THAP5: variants seen among roughly 807,000 people sequenced by gnomAD.
The protein encoded by THAP5 is THAP domain containing 5.
Under a neutral mutation model 34.0 loss-of-function variants are expected in THAP5, and 26 were observed. The observed-to-expected ratio is 0.77, with a 90% CI of 0.56 to 1.06. The LOEUF is 1.06. THAP5 is among the 50% of genes least tolerant of loss of function. The pLI is 0.00. For missense variants in THAP5, 394 were observed against 452.8 expected, an observed-to-expected ratio of 0.87 and a Z score of 1.18; for synonymous variants, 125 against 153.0, an observed-to-expected ratio of 0.82 and a Z score of 1.35.
At chr7:108,554,479 T>C (rs1225468667), downstream of THAP5, 1 of 152,182 alleles carries the variant, frequency 6.6e-6, no homozygotes, top group Non-Finnish European at 1.5e-5. Context: ...TAGTGCAGAC[T>C]CATTTTAGGC....
In THAP5 at chr7:108,564,906, C is replaced by T; in HGVS notation, c.473G>A (p.Ser158Asn). Reference protein sequence around the residue: ...LVKPPAPKTGSIQNNMLTLNL... With the variant: ...LVKPPAPKTGNIQNNMLTLNL... ...AAGAGTTAACATGTTATTTTGTATA[C>T]TTCCTGTTTTGGGAGCTGGTGGCTT... Residue 158 changes from serine to asparagine, a missense_variant, in exon 3 of 3, where the codon AGT (serine) becomes AAT (asparagine). By Grantham distance (46) the Ser-to-Asn change is conservative. Coordinates refer to ENST00000415914, the MANE Select transcript of THAP5 (RefSeq NM_001130475.3). 6.3e-7 allele frequency: 1 copy of T among 1,586,998 alleles called. No homozygotes were observed. The highest frequency in any genetic ancestry group is 8.6e-7 in the Non-Finnish European group (1 of 1,163,166).
downstream of THAP5, among the ~76,000 whole-genome samples, chr7:108,561,773 A>T (rs1351710467): frequency 6.6e-6 from 1 of 152,146 alleles, no homozygotes; most frequent in Non-Finnish European, 1.5e-5. Context: ...AGTCTGTCCA[A>T]TCGTGATTTT....
chr7:108,565,595 T>C, intron 2 of THAP5: 1 of 328,182 alleles, frequency 3.0e-6, no homozygotes, highest in East Asian at 5.2e-5. Context: ...AAAATAAAAC[T>C]CATGAACTTG....
chr7:108,547,418 A>G, the THAP5 span, among the ~76,000 whole-genome samples: 253 of 152,352 alleles, frequency 1.7e-3, no homozygotes, highest in Admixed American at 4.8e-3. Flanking sequence ...CATGCACTGA[A>G]TAAAACTAAA....
At chr7:108,545,604 A>G in the THAP5 span, among the ~76,000 whole-genome samples, 113 of 152,346 alleles carry the variant, frequency 7.4e-4, no homozygotes, top group Non-Finnish European at 1.4e-3. Flanking sequence ...AAAAATATCT[A>G]TTTAGAAAAA....
chr7:108,563,269 G>A lies in THAP5; in HGVS notation c.*922C>T. ...AAGTTCTATCTTGGCCAGGCGCGGT[G>A]GCTCACGCCTGTAATCCCAGCACTT... On this transcript the variant is annotated 3_prime_UTR_variant, in exon 3 of 3. Coordinates refer to ENST00000415914, the MANE Select transcript of THAP5 (RefSeq NM_001130475.3). The A allele has an allele frequency of 6.6e-6, 1 of 152,104 alleles. No individual in the cohort carries two copies. Among genetic ancestry groups the A allele is most frequent in the South Asian group, 2.1e-4 (1 of 4,832 alleles). 9.4% of individuals were successfully genotyped at this position (152,104 alleles called of 1,614,324 possible). A position where few individuals can be genotyped will look rare whatever the true frequency, so the allele number is the denominator to read the frequency against.
At chr7:108,548,845 A>G in the THAP5 span, among the ~76,000 whole-genome samples, 1 of 152,112 alleles carries the variant, frequency 6.6e-6, no homozygotes, top group African/African-American at 2.4e-5. Flanking sequence ...GGGAGCTACA[A>G]TTTAAGATGA....
At chr7:108,568,030 T>G (rs774156062) in intron 1 of THAP5, among the ~76,000 whole-genome samples, 3 of 152,176 alleles carry the variant, frequency 2.0e-5, no homozygotes, top group Non-Finnish European at 4.4e-5. Context: ...TTCAACATGA[T>G]CTTTTGCTAC....
At chr7:108,558,573 T>C (rs1223577639), downstream of THAP5, among the ~76,000 whole-genome samples, 1 of 151,142 alleles carries the variant, frequency 6.6e-6, no homozygotes, top group Non-Finnish European at 1.5e-5. Context: ...AATATTTGTA[T>C]TTTTAGTAGA....
downstream of THAP5, among the ~76,000 whole-genome samples, chr7:108,552,957 T>A (rs1864363448): frequency 6.6e-6 from 1 of 152,198 alleles, no homozygotes; most frequent in South Asian, 2.1e-4. Flanking sequence ...GTACATAGAT[T>A]TCTGTATTTC....
At chr7:108,556,121 C>T (rs1864384252) in intron 1 of THAP5, among the ~76,000 whole-genome samples, 2 of 152,098 alleles carry the variant, frequency 1.3e-5, no homozygotes. Context: ...GAAAGTCCAC[C>T]CCATGATTCA....
At chr7:108,558,009 G>C (rs1227510249), downstream of THAP5, among the ~76,000 whole-genome samples, 1 of 152,032 alleles carries the variant, frequency 6.6e-6, no homozygotes, top group East Asian at 1.9e-4. Context: ...TCTTCACTTG[G>C]TGGAGTGGGA....
Position 108,569,671 on chromosome 7 carries a change from C to T in THAP5, c.-102G>A. The T allele has an allele frequency of 4.8e-6, 7 of 1,449,762 alleles. No homozygotes were observed. In the East Asian group the frequency reaches 7.5e-5, roughly 15 times the overall value. The allele number at this position is 1,449,762 out of a possible 1,614,324, so 89.8% of individuals were successfully genotyped here. ...GTCCAGGCCTCTCGAGCCCCTGCGC[C>T]TGCGCTAGCATTCTGCCGGGAAAGC... On this transcript the variant is annotated 5_prime_UTR_variant, in exon 1 of 3. Coordinates refer to ENST00000415914, the MANE Select transcript of THAP5 (RefSeq NM_001130475.3).
intron 2 of THAP5, 96 bp downstream of exon 2, chr7:108,565,734 C>T (rs1213402974): frequency 1.0e-6 from 1 of 952,550 alleles, no homozygotes; most frequent in Non-Finnish European, 1.4e-6. Flanking sequence ...ATCTGTTTAC[C>T]CAAGTTATAG....
chr7:108,559,016 T>C (rs1162660499), downstream of THAP5, among the ~76,000 whole-genome samples: 1 of 152,236 alleles, frequency 6.6e-6, no homozygotes, highest in Non-Finnish European at 1.5e-5. Flanking sequence ...ATGTTTCTAT[T>C]ACCTGAATGT....
In THAP5 at chr7:108,563,901, C is replaced by G. The variant is rs1790415494; in HGVS notation, c.*290G>C. 4.6e-6 allele frequency: 1 copy of G among 218,492 alleles called. No individual in the cohort carries two copies. The highest frequency in any genetic ancestry group is 9.1e-6 in the Non-Finnish European group (1 of 110,026). 13.5% of individuals were successfully genotyped at this position (218,492 alleles called of 1,614,324 possible). ...CTGATTCCTGAACCTGACTTCTAGT[C>G]TGTGCTCTTTGAACACTTCTTTGTT... On this transcript the variant is annotated 3_prime_UTR_variant, in exon 3 of 3. Transcript: ENST00000415914.
chr7:108,564,418 C>G lies in THAP5; in HGVS notation c.961G>C (p.Glu321Gln), dbSNP rs370107035. 6 of 1,613,702 alleles carry G rather than the reference C, an allele frequency of 3.7e-6. No homozygotes were observed. In the African/African-American group the frequency reaches 8.0e-5, roughly 22 times the overall value. ...ATATCTTGTCTGCAGTAAGAATGTT[C>G]GATTTGTAAAACTTCTGTCCCATAG... ...VDYGTEVLQIEHSYCRQDINK... is the reference protein window; with the variant it reads ...VDYGTEVLQIQHSYCRQDINK... Residue 321 changes from glutamate (E) to glutamine (Q), a missense_variant, in exon 3 of 3, where the codon GAA becomes CAA. Physicochemically the swap from Glu to Gln is conservative, Grantham distance 29. Transcript: ENST00000415914.
downstream of THAP5, among the ~76,000 whole-genome samples, chr7:108,560,262 T>C (rs769515701): frequency 2.6e-5 from 4 of 152,214 alleles, no homozygotes; most frequent in Non-Finnish European, 5.9e-5. Context: ...CATTCTCATA[T>C]AGTTCATATT....
At chr7:108,544,195 C>T in the THAP5 span, among the ~76,000 whole-genome samples, 1 of 152,090 alleles carries the variant, frequency 6.6e-6, no homozygotes, top group Admixed American at 6.6e-5. Flanking sequence ...GAAAAGGAGA[C>T]AATTCATGGT....
Sources: allele counts gnomAD v4.1 joint callset (sites outside exome capture counted in the v4.1 genomes callset), GRCh38; gene constraint gnomAD v4.1.1; transcripts MANE v1.5; gene names NCBI Gene and HGNC (gene_info 2026-07-23, HGNC 2026-07-21).